Variants in SPAG9 observed in about 807,000 individuals in gnomAD.
SPAG9 encodes C-Jun-amino-terminal kinase-interacting protein 4.
A neutral mutation model predicts 166.5 loss-of-function variants in SPAG9; 35 were observed. The ratio of observed to expected loss-of-function variants is 0.21; its 90% CI spans 0.16 to 0.28. The LOEUF is 0.28. Among genes scored for constraint, SPAG9 ranks in the 10% least tolerant of loss-of-function variants. SPAG9 has a pLI of 1.00. For synonymous variants in SPAG9, 534 were observed against 565.5 expected (o/e 0.94, Z 0.79); for missense variants, 1,235 against 1,603.3 (o/e 0.77, Z 3.92).
intron 12 of SPAG9, among the ~76,000 whole-genome samples, chr17:51,004,141 T>C (rs2143992233): frequency 6.6e-6 from 1 of 152,288 alleles, no homozygotes; most frequent in East Asian, 1.9e-4. Flanking sequence ...CATATATACA[T>C]ATGTGATATG....
At chr17:51,030,937 T>G (rs2046363898) in intron 6 of SPAG9, 1 of 141,936 alleles carries the variant, frequency 7.0e-6, no homozygotes, top group African/African-American at 2.7e-5. Flanking sequence ...TTTTTTGAGA[T>G]GGAGTCTCGC....
Position 51,120,307 on chromosome 17 carries a change from G to C in SPAG9, c.303+47C>G. ...ACCGGGCCGCGACCCCGCCCCGGCC[G>C]CCCCCGGAGACGGATCCCGCGGCCC... On this transcript the variant is annotated intron_variant, in intron 1 of 29. Transcript: ENST00000262013. The surrounding 1 kb of genome is among the most constrained non-coding windows in gnomAD (Gnocchi z 4.7). 1.2e-5 allele frequency: 16 copies of C among 1,357,438 alleles called. No homozygotes were observed. Among genetic ancestry groups the C allele is most frequent in the Non-Finnish European group, 1.6e-5 (16 of 1,025,270 alleles). The allele number at this position is 1,357,438 out of a possible 1,614,324, so 84.1% of individuals were successfully genotyped here. A position where few individuals can be genotyped will look rare whatever the true frequency, so the allele number is the denominator to read the frequency against.
intron 2 of SPAG9, among the ~76,000 whole-genome samples, chr17:51,064,885 G>A (rs2047617769): frequency 6.6e-6 from 1 of 152,150 alleles, no homozygotes; most frequent in African/African-American, 2.4e-5. Context: ...ACTTTGGGAG[G>A]CCAAGGCGGA....
At chr17:51,087,070 A>T (rs2048325428) in intron 1 of SPAG9, among the ~76,000 whole-genome samples, 1 of 152,276 alleles carries the variant, frequency 6.6e-6, no homozygotes, top group Non-Finnish European at 1.5e-5. Flanking sequence ...ACTAACTTTC[A>T]AAGAATAATC....
chr17:51,117,239 A>T (rs1273997476), intron 1 of SPAG9, among the ~76,000 whole-genome samples: 2 of 152,198 alleles, frequency 1.3e-5, no homozygotes, highest in Admixed American at 1.3e-4. Context: ...GCAAGAGATC[A>T]TAGCACCTCA....
chr17:51,011,982 A>G (rs1271845362), intron 9 of SPAG9, among the ~76,000 whole-genome samples: 2 of 152,230 alleles, frequency 1.3e-5, no homozygotes, highest in African/African-American at 4.8e-5. Context: ...TTTATCACTC[A>G]TTACTGCATT....
chr17:51,009,738 G>A (rs2045385111), intron 9 of SPAG9, among the ~76,000 whole-genome samples: 1 of 152,142 alleles, frequency 6.6e-6, no homozygotes, highest in Non-Finnish European at 1.5e-5. Flanking sequence ...AAAAAGTCAT[G>A]AGGATACCAA....
rs1045413563 is a variant in SPAG9 at position 51,026,620 on chromosome 17, G to T, written c.783+5061C>A. Among the ~76,000 whole-genome samples the T allele has an allele frequency of 4.6e-5, 7 of 151,080 alleles. 1 individual carries two copies. The East Asian group carries it at 1.4e-3, about 29-fold the overall frequency. On this transcript the variant is annotated intron_variant, in intron 6 of 29. Coordinates refer to ENST00000262013, the MANE Select transcript of SPAG9 (RefSeq NM_001130528.3). ...TAGATCCCAGAGATACAGCATGAGA[G>T]CTGAGAAGGGAAAAGCTCTGATTTT...
At chr17:51,087,203 C>T (rs2048328327) in intron 1 of SPAG9, among the ~76,000 whole-genome samples, 2 of 152,102 alleles carry the variant, frequency 1.3e-5, no homozygotes, top group African/African-American at 4.8e-5. Context: ...TATAGGTAAC[C>T]TCATAAACAG....
At chr17:51,034,573 C>T (rs778883525) in intron 5 of SPAG9, among the ~76,000 whole-genome samples, 9 of 152,096 alleles carry the variant, frequency 5.9e-5, no homozygotes, top group Non-Finnish European at 1.0e-4. Flanking sequence ...TCGCATAGCC[C>T]ACAGAATAAT....
chr17:51,093,835 C>A (rs2048539711), intron 1 of SPAG9, among the ~76,000 whole-genome samples: 1 of 151,820 alleles, frequency 6.6e-6, no homozygotes, highest in African/African-American at 2.4e-5. Flanking sequence ...TTAGTAATAT[C>A]CCTAGTAGGT....
chr17:51,022,455 G>A (rs2045976748), intron 6 of SPAG9, among the ~76,000 whole-genome samples: 1 of 152,074 alleles, frequency 6.6e-6, no homozygotes, highest in Non-Finnish European at 1.5e-5. Context: ...AAAAATTTGT[G>A]TACAATGTAT....
chr17:50,996,400 AGAAAACAGCCT>A (rs2044681538), intron 16 of SPAG9, 154 bp downstream of exon 16: 1 of 718,310 alleles, frequency 1.4e-6, no homozygotes, highest in Non-Finnish European at 2.3e-6. Flanking sequence ...CTACAGCTCT[AGAAAACAGCCT>A]GAAAACCACC....
chr17:50,986,080 T>C (rs1353522213), intron 22 of SPAG9, among the ~76,000 whole-genome samples: 1 of 152,244 alleles, frequency 6.6e-6, no homozygotes, highest in African/African-American at 2.4e-5. Context: ...TGAATTGCCT[T>C]ACCTCTCTAC....
chr17:50,986,343 C>A (rs1364010462), intron 22 of SPAG9, among the ~76,000 whole-genome samples: 9 of 152,206 alleles, frequency 5.9e-5, no homozygotes, highest in African/African-American at 2.2e-4. Flanking sequence ...GCCAACTCTT[C>A]ACTTTATAGT....
chr17:50,969,006 CACTGCA>C (rs1973566126), intron 29 of SPAG9, among the ~76,000 whole-genome samples: 1 of 149,460 alleles, frequency 6.7e-6, no homozygotes, highest in South Asian at 2.1e-4. Flanking sequence ...GATCTCGGCT[CACTGCA>C]ACCTCCACCT....
Position 51,041,576 on chromosome 17 carries a change from T to C in SPAG9, c.666A>G (p.Lys222=). Residue 222 remains lysine (K), a synonymous_variant, in exon 5 of 30, where the codon AAA becomes AAG. Coordinates refer to ENST00000262013, the MANE Select transcript of SPAG9 (RefSeq NM_001130528.3). ...GDGLLTPDAQ[K]GGETPGSEQW... is the part of the protein sequence containing the mutation. ...GCTCAGATCCAGGGGTCTCTCCTCCTTTCTGAGCATCAGGTGTAAGCAATC... is the reference window on the plus strand; with the variant it reads ...GCTCAGATCCAGGGGTCTCTCCTCCCTTCTGAGCATCAGGTGTAAGCAATC... 1 of 1,613,924 alleles carries C rather than the reference T, an allele frequency of 6.2e-7. No individual in the cohort carries two copies. Among genetic ancestry groups the C allele is most frequent in the South Asian group, 1.1e-5 (1 of 91,078 alleles).
intron 2 of SPAG9, among the ~76,000 whole-genome samples, chr17:51,076,052 G>A (rs9675168): frequency 6.6e-6 from 1 of 151,654 alleles, no homozygotes; most frequent in African/African-American, 2.4e-5. Flanking sequence ...CCAAGATCGC[G>A]CCACTGCACT....
At chr17:51,032,364 T>C (rs1011480550) in intron 5 of SPAG9, among the ~76,000 whole-genome samples, 2 of 152,084 alleles carry the variant, frequency 1.3e-5, no homozygotes, top group African/African-American at 4.8e-5. Flanking sequence ...TGGTATCGCC[T>C]TGTTGCCCAG....
Sources: gnomAD v4.1 joint callset for allele counts (sites outside exome capture counted in the v4.1 genomes callset) on GRCh38, gnomAD v4.1.1 for gene constraint, Gnocchi (gnomAD v3.1) non-coding constraint, MANE v1.5 for transcripts, NCBI Gene and HGNC (gene_info 2026-07-23, HGNC 2026-07-21) for gene names.